The following PLCXD3 variants were observed in gnomAD, a reference collection of about 807,000 sequenced individuals.
PLCXD3 encodes PI-PLC X domain-containing protein 3.
Under a neutral mutation model 25.5 loss-of-function variants are expected in PLCXD3, and 19 were observed. The observed-to-expected ratio is 0.75, with a 90% CI of 0.52 to 1.09. The LOEUF (loss-of-function observed/expected upper bound fraction) is 1.09. Among genes scored for constraint, PLCXD3 ranks in the 50% least tolerant of loss-of-function variants. The pLI is 0.00. For synonymous variants in PLCXD3, 174 were observed against 137.6 expected, an observed-to-expected ratio of 1.26 and a Z score of -1.85; for missense variants, 411 against 388.1, an observed-to-expected ratio of 1.06 and a Z score of -0.50.
intron 1 of PLCXD3, among the ~76,000 whole-genome samples, chr5:41,475,158 T>A (rs1748252593): frequency 6.6e-6 from 1 of 152,038 alleles, no homozygotes; most frequent in South Asian, 2.1e-4. Flanking sequence ...AGAAAAGAAA[T>A]AACAAAATTA....
At chr5:41,490,485 G>T (rs1391311441) in intron 1 of PLCXD3, among the ~76,000 whole-genome samples, 1 of 152,132 alleles carries the variant, frequency 6.6e-6, no homozygotes, top group South Asian at 2.1e-4. Flanking sequence ...TTTTTCTATT[G>T]TTTGGAATAG....
intron 1 of PLCXD3, among the ~76,000 whole-genome samples, chr5:41,455,486 AG>A (rs755726906): frequency 6.6e-6 from 1 of 151,908 alleles, no homozygotes; most frequent in South Asian, 2.1e-4. Flanking sequence ...GCTAGGAGGC[AG>A]CCAGAGCAAA....
At chr5:41,435,448 G>A (rs531634503) in intron 1 of PLCXD3, among the ~76,000 whole-genome samples, 14 of 152,276 alleles carry the variant, frequency 9.2e-5, no homozygotes, top group East Asian at 1.9e-4. Context: ...TGAGGTTCAC[G>A]GAGCACCACC....
intron 1 of PLCXD3, 41 bp downstream of exon 1, chr5:41,510,383 G>C: frequency 6.6e-7 from 1 of 1,520,372 alleles, no homozygotes; most frequent in Non-Finnish European, 9.0e-7. Flanking sequence ...GGCAGGTGGA[G>C]CGGGCGCCGA....
intron 1 of PLCXD3, chr5:41,475,811 A>G: frequency 2.0e-6 from 1 of 501,696 alleles, no homozygotes; most frequent in Non-Finnish European, 4.1e-6. Context: ...TCATTATGAG[A>G]CTGAATGAAG....
chr5:41,508,757 G>A (rs913978779), intron 1 of PLCXD3, among the ~76,000 whole-genome samples: 2 of 152,168 alleles, frequency 1.3e-5, no homozygotes, highest in Admixed American at 1.3e-4. Flanking sequence ...AACATTCAGG[G>A]GAAACCATGT....
At chr5:41,423,169 CTTTGA>C (rs1167246805) in intron 1 of PLCXD3, among the ~76,000 whole-genome samples, 1 of 151,912 alleles carries the variant, frequency 6.6e-6, no homozygotes, top group Non-Finnish European at 1.5e-5. Flanking sequence ...CCCTATCTGA[CTTTGA>C]TTTATTATTT....
intron 1 of PLCXD3, among the ~76,000 whole-genome samples, chr5:41,394,426 G>T (rs1190157370): frequency 1.3e-5 from 2 of 152,054 alleles, no homozygotes; most frequent in East Asian, 1.9e-4. Context: ...AAAACAATCA[G>T]AAAGCAAATA....
At chr5:41,481,372 A>G (rs917110815) in intron 1 of PLCXD3, among the ~76,000 whole-genome samples, 3 of 152,196 alleles carry the variant, frequency 2.0e-5, no homozygotes, top group African/African-American at 4.8e-5. Flanking sequence ...TATAATACAT[A>G]AGCTAGATCT....
At chr5:41,433,923 G>A (rs892331878) in intron 1 of PLCXD3, among the ~76,000 whole-genome samples, 1 of 152,186 alleles carries the variant, frequency 6.6e-6, no homozygotes, top group Non-Finnish European at 1.5e-5. Context: ...CCTACAGGTG[G>A]GAAGGGAAAA....
intron 2 of PLCXD3, among the ~76,000 whole-genome samples, chr5:41,364,577 G>A (rs1744882997): frequency 6.6e-6 from 1 of 152,184 alleles, no homozygotes; most frequent in South Asian, 2.1e-4. Context: ...TTAGGGAGAT[G>A]TGCTATTCCC....
At chr5:41,397,866 GT>G (rs1404464223) in intron 1 of PLCXD3, among the ~76,000 whole-genome samples, 1 of 152,194 alleles carries the variant, frequency 6.6e-6, no homozygotes, top group Non-Finnish European at 1.5e-5. Flanking sequence ...ACCCTGCTGG[GT>G]TTTTGACTTG....
At chr5:41,466,001 G>A (rs552808240) in intron 1 of PLCXD3, among the ~76,000 whole-genome samples, 1 of 151,980 alleles carries the variant, frequency 6.6e-6, no homozygotes. Flanking sequence ...TTTATCCTTT[G>A]CAAACACAAA....
chr5:41,357,063 C>T (rs1360363659), intron 2 of PLCXD3, among the ~76,000 whole-genome samples: 1 of 152,224 alleles, frequency 6.6e-6, no homozygotes, highest in Non-Finnish European at 1.5e-5. Flanking sequence ...CTTGACCTAA[C>T]TCTGAGATGG....
chr5:41,453,532 T>C (rs12521712), intron 1 of PLCXD3, among the ~76,000 whole-genome samples: 26,187 of 151,896 alleles, frequency 0.17, 2,727 homozygotes, highest in South Asian at 0.24. Flanking sequence ...TATATAAACA[T>C]TTATCGTGGT....
At position 41,410,209 on chromosome 5, in the gene PLCXD3, G is replaced by A. The variant is rs1746477496; in HGVS notation, c.104-27675C>T. ...GGCTGGAGTACAGTGGCGTGATCTC[G>A]GCTCACTGCAGCCTCCGCCTCCTGG... is the stretch of plus-strand genomic sequence containing the variant. On this transcript the variant is annotated intron_variant, in intron 1 of 2. Transcript: ENST00000377801. Among the ~76,000 whole-genome samples, 5 of 150,570 alleles carry A rather than the reference G, an allele frequency of 3.3e-5. No homozygotes were observed. The South Asian group carries it at 1.0e-3, about 32-fold the overall frequency.
intron 1 of PLCXD3, among the ~76,000 whole-genome samples, chr5:41,473,883 C>G (rs566768136): frequency 6.6e-6 from 1 of 152,168 alleles, no homozygotes; most frequent in African/African-American, 2.4e-5. Context: ...GGTTCCCCTC[C>G]CCCATCCCCA....
intron 2 of PLCXD3, among the ~76,000 whole-genome samples, chr5:41,373,447 T>C (rs1436217499): frequency 1.3e-5 from 2 of 152,176 alleles, no homozygotes; most frequent in Non-Finnish European, 1.5e-5. Flanking sequence ...TGAATATTCA[T>C]AGATTCTTCT....
intron 1 of PLCXD3, among the ~76,000 whole-genome samples, chr5:41,443,033 T>G (rs1747417064): frequency 6.7e-6 from 1 of 149,270 alleles, no homozygotes. Context: ...TATATATGTA[T>G]TATTGTATAC....
Sources: allele counts gnomAD v4.1 joint callset (sites outside exome capture counted in the v4.1 genomes callset), GRCh38; gene constraint gnomAD v4.1.1; transcripts MANE v1.5; gene names NCBI Gene and HGNC (gene_info 2026-07-23, HGNC 2026-07-21).